Variants in TLL2 observed in about 807,000 individuals in gnomAD.
The protein encoded by TLL2 is tolloid like 2, also known as tolloid-like protein 2.
Under a neutral mutation model 123.0 loss-of-function variants are expected in TLL2, and 106 were observed. The ratio of observed to expected loss-of-function variants is 0.86; its 90% CI spans 0.74 to 1.01. The LOEUF is 1.01. Ranked by LOEUF, TLL2 falls within the 50% of genes least tolerant of loss-of-function variation. TLL2 has a pLI of 0.00. For synonymous variants in TLL2, 494 were observed against 516.8 expected (o/e 0.96, Z 0.60); for missense variants, 1,332 against 1,336.7 (o/e 1.00, Z 0.06).
chr10:96,366,733 GT>G lies in TLL2; in HGVS notation c.*1354del, dbSNP rs1846032452. On this transcript the variant is annotated 3_prime_UTR_variant, in exon 21 of 21. Transcript: ENST00000357947. Reference sequence around the variant, plus strand: ...CAAAAACACTCATGTGCCGCCCTGCGTCCAACAACAACCAAACAGGACTTAC... The same window carrying G: ...CAAAAACACTCATGTGCCGCCCTGCGCCAACAACAACCAAACAGGACTTAC... 6.6e-6 allele frequency: 1 copy of G among 152,456 alleles called. No homozygotes were observed. The highest frequency in any genetic ancestry group is 2.4e-5 in the African/African-American group (1 of 41,430). The allele number at this position is 152,456 out of a possible 1,614,324, so 9.4% of individuals were successfully genotyped here. A position where few individuals can be genotyped will look rare whatever the true frequency, so the allele number is the denominator to read the frequency against.
At chr10:96,433,115 G>A (rs1846761585) in intron 3 of TLL2, among the ~76,000 whole-genome samples, 153 bp from the exon 4 acceptor site, 1 of 152,186 alleles carries the variant, frequency 6.6e-6, no homozygotes, top group South Asian at 2.1e-4. Flanking sequence ...GCCCTGGGTG[G>A]CAGTTTTCCA....
chr10:96,456,467 G>C (rs1847017144), intron 2 of TLL2, among the ~76,000 whole-genome samples: 1 of 152,178 alleles, frequency 6.6e-6, no homozygotes, highest in Non-Finnish European at 1.5e-5. Context: ...CAGAGAAGCT[G>C]TCCCTGGTAA....
intron 2 of TLL2, among the ~76,000 whole-genome samples, chr10:96,461,433 G>C (rs1330567843): frequency 6.6e-6 from 1 of 152,134 alleles, no homozygotes; most frequent in Non-Finnish European, 1.5e-5. Context: ...GTGCGGATGA[G>C]GGCAGCCTAC....
At chr10:96,415,117 A>G (rs1019699015) in intron 7 of TLL2, among the ~76,000 whole-genome samples, 2 of 152,076 alleles carry the variant, frequency 1.3e-5, no homozygotes, top group African/African-American at 4.8e-5. Context: ...TCCAGTCACC[A>G]CTTGGATCTC....
intron 1 of TLL2, among the ~76,000 whole-genome samples, chr10:96,486,563 C>T (rs1174076567): frequency 2.6e-5 from 4 of 151,990 alleles, no homozygotes; most frequent in East Asian, 1.9e-4. Context: ...CTTTGACACT[C>T]GGGGGTTTTG....
chr10:96,416,408 A>G (rs1437314480), intron 7 of TLL2, among the ~76,000 whole-genome samples: 1 of 152,054 alleles, frequency 6.6e-6, no homozygotes, highest in Non-Finnish European at 1.5e-5. Flanking sequence ...GCACCAACTC[A>G]TTTCATCTTC....
chr10:96,476,248 T>TTTTTTTTTTTTTGTTGTTGTTGTTGTTG (rs1285354320), intron 2 of TLL2, among the ~76,000 whole-genome samples: 1 of 69,230 alleles, frequency 1.4e-5, no homozygotes, highest in African/African-American at 6.2e-5. Context: ...ATATTTTATT[T>TTTTTTTTTTTTTGTTGTTGTTGTTGTTG]TTGTTGTTGT....
intron 6 of TLL2, among the ~76,000 whole-genome samples, chr10:96,421,568 G>T (rs549377879): frequency 1.9e-3 from 291 of 152,142 alleles, no homozygotes; most frequent in Non-Finnish European, 3.5e-3. Context: ...GGAGGCTGAG[G>T]CAGGAGAATG....
At chr10:96,381,637 T>A (rs939749178) in intron 16 of TLL2, among the ~76,000 whole-genome samples, 1 of 152,184 alleles carries the variant, frequency 6.6e-6, no homozygotes, top group Non-Finnish European at 1.5e-5. Flanking sequence ...CATGGGCTTC[T>A]CTTCTTCAAA....
chr10:96,391,307 G>A (rs1433962196), intron 13 of TLL2, among the ~76,000 whole-genome samples: 5 of 152,198 alleles, frequency 3.3e-5, no homozygotes, highest in Non-Finnish European at 5.9e-5. Context: ...GGTATGGGCC[G>A]GTCGTAGGAA....
intron 7 of TLL2, among the ~76,000 whole-genome samples, chr10:96,417,008 A>G (rs1846569289): frequency 6.6e-6 from 1 of 152,214 alleles, no homozygotes; most frequent in East Asian, 1.9e-4. Flanking sequence ...GGGTCCAACC[A>G]AGGGGGAGGG....
chr10:96,437,767 T>A (rs1210641707), intron 3 of TLL2, among the ~76,000 whole-genome samples: 4 of 152,226 alleles, frequency 2.6e-5, no homozygotes, highest in Non-Finnish European at 4.4e-5. Context: ...TAGTCCATGG[T>A]ATGGATGAAC....
At chr10:96,497,965 C>T (rs1847493735) in intron 1 of TLL2, among the ~76,000 whole-genome samples, 1 of 152,236 alleles carries the variant, frequency 6.6e-6, no homozygotes, top group East Asian at 1.9e-4. Context: ...ATGCCTGCTG[C>T]GTTCCCACAG....
At chr10:96,472,162 G>A (rs1457543691) in intron 2 of TLL2, among the ~76,000 whole-genome samples, 1 of 152,172 alleles carries the variant, frequency 6.6e-6, no homozygotes, top group East Asian at 1.9e-4. Flanking sequence ...GAGGCCCTGA[G>A]ATTTCTCAGA....
chr10:96,490,932 C>T (rs1045454307), intron 1 of TLL2, among the ~76,000 whole-genome samples: 14 of 152,110 alleles, frequency 9.2e-5, no homozygotes, highest in African/African-American at 2.9e-4. Context: ...AAGCACTGAC[C>T]GAAGGCACCA....
At chr10:96,476,240 A>ATATATATATATATATATATATATATTCT in intron 2 of TLL2, among the ~76,000 whole-genome samples, 1 of 20,498 alleles carries the variant, frequency 4.9e-5, no homozygotes, top group Non-Finnish European at 1.0e-4. Context: ...ATATATATAT[A>ATATATATATATATATATATATATATTCT]TTTTATTTTT....
At position 96,404,120 on chromosome 10, in the gene TLL2, G is replaced by A. The variant is rs11595775; in HGVS notation, c.1267+1112C>T. On this transcript the variant is annotated intron_variant, in intron 10 of 20. Transcript: ENST00000357947. ...CTGAGTGAACTCAGAGACCGGTGCC[G>A]ATGCAGGTCCTTGGTGTGCTGAGTG... Among the ~76,000 whole-genome samples, 1,426 of 150,318 alleles carry A rather than the reference G, an allele frequency of 9.5e-3. 10 individuals are homozygous for A. Among genetic ancestry groups the A allele is most frequent in the Non-Finnish European group, 0.014 (974 of 67,470 alleles).
At chr10:96,374,963 G>T (rs953088489) in intron 18 of TLL2, among the ~76,000 whole-genome samples, 1 of 42,140 alleles carries the variant, frequency 2.4e-5, no homozygotes, top group African/African-American at 1.6e-4. Context: ...ATTAGTTGCG[G>T]GGGGGGGGGG....
At chr10:96,368,591 C>T (rs1208983381) in intron 20 of TLL2, among the ~76,000 whole-genome samples, 4 of 152,192 alleles carry the variant, frequency 2.6e-5, no homozygotes, top group African/African-American at 9.7e-5. Flanking sequence ...CTCAAGTTCT[C>T]GCAGGTAGGC....
Sources: allele counts gnomAD v4.1 joint callset (sites outside exome capture counted in the v4.1 genomes callset), GRCh38; gene constraint gnomAD v4.1.1; transcripts MANE v1.5; gene names NCBI Gene and HGNC (gene_info 2026-07-23, HGNC 2026-07-21).